RRAGD: variants seen among roughly 807,000 people sequenced by gnomAD.
RRAGD encodes the protein ras-related GTP-binding protein D.
RRAGD carries 12 observed loss-of-function variants against 35.5 expected under a neutral mutation model. The ratio of observed to expected loss-of-function variants is 0.34; its 90% CI spans 0.22 to 0.55. The LOEUF is 0.55. RRAGD is among the 20% of genes least tolerant of loss of function. The pLI, the probability that RRAGD is intolerant of heterozygous loss-of-function variation, is 0.91. For synonymous variants in RRAGD, 155 were observed against 178.9 expected (o/e 0.87, Z 1.07); for missense variants, 324 against 490.1 (o/e 0.66, Z 3.20).
intron 2 of RRAGD, among the ~76,000 whole-genome samples, chr6:89,384,512 T>A (rs1769104591): frequency 1.3e-5 from 2 of 152,088 alleles, no homozygotes; most frequent in Admixed American, 1.3e-4. Context: ...CCCAGCCTTC[T>A]CTTTTTAAAA....
chr6:89,387,994 T>C (rs1014126432), intron 1 of RRAGD, among the ~76,000 whole-genome samples: 1 of 152,174 alleles, frequency 6.6e-6, no homozygotes, highest in South Asian at 2.1e-4. Context: ...TATTGTTCTC[T>C]GAGAAGCCAT....
At chr6:89,380,408 C>CT (rs1397526626) in intron 2 of RRAGD, 41 bp from the exon 3 acceptor site, 1 of 1,554,106 alleles carries the variant, frequency 6.4e-7, no homozygotes, top group Admixed American at 1.7e-5. Context: ...GGCCGCTTTG[C>CT]TTCCTGAGCC....
At chr6:89,405,300 G>A (rs1562467539) in intron 1 of RRAGD, among the ~76,000 whole-genome samples, 1 of 140,888 alleles carries the variant, frequency 7.1e-6, no homozygotes, top group Non-Finnish European at 1.5e-5. Flanking sequence ...CTTGCAGTGA[G>A]CCGAGATCGC....
rs886549464 is a variant in RRAGD at position 89,366,769 on chromosome 6, A to G, written c.*1287T>C. The G allele has an allele frequency of 6.6e-6, 1 of 152,230 alleles. No individual in the cohort carries two copies. Among genetic ancestry groups the G allele is most frequent in the African/African-American group, 2.4e-5 (1 of 41,462 alleles). 9.4% of individuals were successfully genotyped at this position (152,230 alleles called of 1,614,324 possible). ...AATTTCCTGTTAGTCTAAAGTAAAC[A>G]TAAGTGAAATAATTTCACAGAAACA... On this transcript the variant is annotated 3_prime_UTR_variant, in exon 7 of 7. Transcript: ENST00000369415.
chr6:89,402,237 G>A (rs13216729), intron 1 of RRAGD, among the ~76,000 whole-genome samples: 21,693 of 151,438 alleles, frequency 0.14, 1,994 homozygotes, highest in East Asian at 0.32. Flanking sequence ...TAGTAGAGAC[G>A]AGGCTTCACC....
At chr6:89,378,595 C>T (rs115737187) in intron 4 of RRAGD, among the ~76,000 whole-genome samples, 3,607 of 152,246 alleles carry the variant, frequency 0.024, 145 homozygotes, top group African/African-American at 0.083. Context: ...TCACTCATAG[C>T]ATGTTAAACT....
intron 4 of RRAGD, among the ~76,000 whole-genome samples, chr6:89,378,509 T>C (rs996920063): frequency 2.0e-5 from 3 of 152,220 alleles, no homozygotes; most frequent in African/African-American, 7.2e-5. Flanking sequence ...AACGTGAGTA[T>C]AACCAATAGG....
At chr6:89,386,031 C>T (rs1325205601) in intron 2 of RRAGD, among the ~76,000 whole-genome samples, 3 of 152,134 alleles carry the variant, frequency 2.0e-5, no homozygotes, top group Non-Finnish European at 2.9e-5. Flanking sequence ...CTTAGCGGGG[C>T]GATGCACACC....
In RRAGD at chr6:89,391,472, A is replaced by G. The variant is rs80145637; in HGVS notation, c.149-3882T>C. 8.3e-3 allele frequency among the ~76,000 whole-genome samples: 1,270 copies of G among 152,330 alleles called. 16 individuals are homozygous for G. Among genetic ancestry groups the G allele is most frequent in the African/African-American group, 0.029 (1,195 of 41,570 alleles). The stretch of plus-strand genomic sequence containing the variant: ...ATGCTACAATATGGATGAACACTGA[A>G]AATAATAATGCTAAGTGAAAGAACA... On this transcript the variant is annotated intron_variant, in intron 1 of 6. Transcript: ENST00000369415.
chr6:89,409,327 AG>A (rs796994651), intron 1 of RRAGD, among the ~76,000 whole-genome samples: 43 of 152,124 alleles, frequency 2.8e-4, no homozygotes, highest in African/African-American at 9.9e-4. Flanking sequence ...CCCACCCACC[AG>A]GGTAGATTTC....
At chr6:89,405,636 T>TAGGGAGGGAACGAG (rs1769564507) in intron 1 of RRAGD, among the ~76,000 whole-genome samples, 1 of 152,066 alleles carries the variant, frequency 6.6e-6, no homozygotes, top group South Asian at 2.1e-4. Context: ...ACCCCAAGCC[T>TAGGGAGGGAACGAG]AGGCAACGAG....
intron 1 of RRAGD, among the ~76,000 whole-genome samples, chr6:89,410,084 G>A (rs1318149121): frequency 1.3e-5 from 2 of 152,268 alleles, no homozygotes; most frequent in East Asian, 3.9e-4. Flanking sequence ...CTTTGTTCCG[G>A]GAATCCCATC....
intron 1 of RRAGD, among the ~76,000 whole-genome samples, chr6:89,389,998 C>T (rs1662116278): frequency 6.6e-6 from 1 of 152,154 alleles, no homozygotes; most frequent in South Asian, 2.1e-4. Flanking sequence ...TGAAGTTAGA[C>T]CCTTATGTCA....
At chr6:89,398,281 G>A (rs1305669907) in intron 1 of RRAGD, among the ~76,000 whole-genome samples, 2 of 152,198 alleles carry the variant, frequency 1.3e-5, no homozygotes, top group South Asian at 2.1e-4. Flanking sequence ...TTTCACAGGT[G>A]CATATATATG....
At chr6:89,404,534 A>G (rs1306362945) in intron 1 of RRAGD, among the ~76,000 whole-genome samples, 1 of 152,194 alleles carries the variant, frequency 6.6e-6, no homozygotes, top group African/African-American at 2.4e-5. Flanking sequence ...GATTTTCCAG[A>G]GATCTCAGCC....
At position 89,367,747 on chromosome 6, in the gene RRAGD, A is replaced by G. The variant is rs370296592; in HGVS notation, c.*309T>C. 10 of 247,918 alleles carry G rather than the reference A, an allele frequency of 4.0e-5. No individual in the cohort carries two copies. Among genetic ancestry groups the G allele is most frequent in the East Asian group, 1.6e-4 (2 of 12,674 alleles). 15.4% of individuals were successfully genotyped at this position (247,918 alleles called of 1,614,324 possible). ...AGTTCAGTTCAATGAGAAACATGAAAAAGTGCAAAATATGTACAATTCCTG... is the reference window on the plus strand; with the variant it reads ...AGTTCAGTTCAATGAGAAACATGAAGAAGTGCAAAATATGTACAATTCCTG... On this transcript the variant is annotated 3_prime_UTR_variant, in exon 7 of 7. Coordinates refer to ENST00000369415, the MANE Select transcript of RRAGD (RefSeq NM_021244.5).
chr6:89,385,890 G>A (rs9353673), intron 2 of RRAGD, among the ~76,000 whole-genome samples: 4,876 of 152,208 alleles, frequency 0.032, 308 homozygotes, highest in East Asian at 0.27. Context: ...ATGAACTTAC[G>A]ATCCTCTCAG....
intron 1 of RRAGD, among the ~76,000 whole-genome samples, chr6:89,391,418 G>T (rs982034002): frequency 6.6e-6 from 1 of 151,470 alleles, no homozygotes; most frequent in African/African-American, 2.4e-5. Context: ...ATATTATTCA[G>T]CCATAAAAAA....
Position 89,365,314 on chromosome 6 carries a change from C to G in RRAGD, c.*2742G>C, listed in dbSNP as rs1204737343. 1.3e-5 allele frequency: 2 copies of G among 152,180 alleles called. No homozygotes were observed. Among genetic ancestry groups the G allele is most frequent in the Admixed American group, 6.5e-5 (1 of 15,274 alleles). The allele number at this position is 152,180 out of a possible 1,614,324, so 9.4% of individuals were successfully genotyped here. ...CAACAGGGAAAGGACTGCCCTGCTC[C>G]TTTTGAGGAAGGAAACCTGCAAGGC... On this transcript the variant is annotated 3_prime_UTR_variant, in exon 7 of 7. Transcript: ENST00000369415.
Sources: gnomAD v4.1 joint callset for allele counts (sites outside exome capture counted in the v4.1 genomes callset) on GRCh38, gnomAD v4.1.1 for gene constraint, MANE v1.5 for transcripts, NCBI Gene and HGNC (gene_info 2026-07-23, HGNC 2026-07-21) for gene names.